AKAP14: variants seen among roughly 807,000 people sequenced by gnomAD.
The protein encoded by AKAP14 is A-kinase anchoring protein 14, also known as A-kinase anchor protein 14.
AKAP14 carries 4 observed loss-of-function variants against 17.0 expected under a neutral mutation model. That is an observed-to-expected ratio of 0.23 (90% CI 0.12 to 0.54). The LOEUF (loss-of-function observed/expected upper bound fraction) is 0.54, where lower values mean the gene tolerates loss of function less well. Ranked by LOEUF, AKAP14 falls within the 20% of genes least tolerant of loss-of-function variation. The pLI is 0.95. For synonymous variants in AKAP14, 42 were observed against 51.3 expected, an observed-to-expected ratio of 0.82 and a Z score of 0.77; for missense variants, 129 against 150.9, an observed-to-expected ratio of 0.85 and a Z score of 0.76.
chrX:119,903,039 G>C (rs1192621050), intron 2 of AKAP14, among the ~76,000 whole-genome samples, 175 bp from the exon 3 acceptor site: 1 of 112,140 alleles, frequency 8.9e-6, no homozygotes, highest in Non-Finnish European at 1.9e-5. Flanking sequence ...AGGAAAAGTA[G>C]ATAGCAGCAG....
At chrX:119,903,158 G>A in intron 2 of AKAP14, 56 bp from the exon 3 acceptor site, 1 of 1,070,725 alleles carries the variant, frequency 9.3e-7, no homozygotes, top group Admixed American at 2.7e-5. Context: ...ACTTATATGA[G>A]TGCGTTCACA....
At chrX:119,897,190 C>T (rs760550624) in intron 2 of AKAP14, among the ~76,000 whole-genome samples, 12 of 106,563 alleles carry the variant, frequency 1.1e-4, no homozygotes, top group African/African-American at 4.1e-4. Context: ...GGTGGAGTTG[C>T]ACTCTGTTGC....
intron 4 of AKAP14, among the ~76,000 whole-genome samples, chrX:119,910,731 C>T (rs771627546): frequency 2.1e-4 from 23 of 110,898 alleles, no homozygotes; most frequent in African/African-American, 5.9e-4. Flanking sequence ...GGCGCAATCT[C>T]GTCTCACCAC....
chrX:119,903,581 T>A lies in AKAP14; in HGVS notation c.256T>A (p.Phe86Ile). The A allele has an allele frequency of 8.3e-7, 1 of 1,211,225 alleles. No homozygotes were observed. Among genetic ancestry groups the A allele is most frequent in the Non-Finnish European group, 1.1e-6 (1 of 895,266 alleles). ...GGGTCTTAAACAAATTGACGAATAT[T>A]TTTCGGTAAGTTAGGCCGACCACTC... is the stretch of plus-strand genomic sequence containing the variant. ...EKGLKQIDEY[F>I]SKCVSKKCWA... Residue 86 changes from phenylalanine to isoleucine, a missense_variant, in exon 4 of 7, where the codon TTT becomes ATT. Phe to Ile is a conservative substitution (Grantham distance 21, BLOSUM62 0). Transcript: ENST00000371431.
chrX:119,920,400 C>G, intron 6 of AKAP14, 108 bp from the exon 7 acceptor site: 1 of 597,240 alleles, frequency 1.7e-6, no homozygotes, highest in Non-Finnish European at 2.5e-6. Context: ...AAAGAGGCTT[C>G]TTGCTTACTA....
At chrX:119,898,460 C>G (rs1397753155) in intron 2 of AKAP14, among the ~76,000 whole-genome samples, 1 of 112,004 alleles carries the variant, frequency 8.9e-6, no homozygotes, top group Non-Finnish European at 1.9e-5. Flanking sequence ...TATCTACTAC[C>G]CCCTGGGATC....
intron 5 of AKAP14, among the ~76,000 whole-genome samples, chrX:119,918,834 C>A (rs922208796): frequency 3.6e-5 from 4 of 111,849 alleles, no homozygotes; most frequent in African/African-American, 1.3e-4. Context: ...TTCCTCTTTG[C>A]CTTCCCATCC....
At chrX:119,897,122 TTTTC>T (rs2056533464) in intron 2 of AKAP14, among the ~76,000 whole-genome samples, 1 of 106,467 alleles carries the variant, frequency 9.4e-6, no homozygotes, top group African/African-American at 3.4e-5. Context: ...AAATGGACAA[TTTTC>T]TTTCTTTCTT....
Position 119,919,957 on chromosome X carries a change from T to G in AKAP14, c.488T>G (p.Val163Gly). The G allele has an allele frequency of 8.3e-7, 1 of 1,209,510 alleles. No individual in the cohort carries two copies. The highest frequency in any genetic ancestry group is 1.1e-6 in the Non-Finnish European group (1 of 893,645). The change falls in exon 6 of 7, where the codon GTT becomes GGT. Residue 163 changes from valine to glycine, a missense_variant. Physicochemically the swap from Val to Gly is moderately radical, Grantham distance 109. Transcript: ENST00000371431. ...VSYVGDHQAL[V>G]HRPGMVRFRE... Reference sequence around the variant, plus strand: ...TATGTAGGTGACCACCAAGCATTAGTTCACAGGTAATGAACATTTGGAGGT... The same window carrying G: ...TATGTAGGTGACCACCAAGCATTAGGTCACAGGTAATGAACATTTGGAGGT...
rs1014176089 is a variant in AKAP14 at position 119,909,923 on chromosome X, C to T, written c.262-4776C>T. On this transcript the variant is annotated intron_variant, in intron 4 of 6. Coordinates refer to ENST00000371431, the MANE Select transcript of AKAP14 (RefSeq NM_178813.6). ...GGAAGGAATAATGACTTTGGGAGGC[C>T]GAGGCCAGTGGATCACTTGAGCCTA... 7.4e-5 allele frequency among the ~76,000 whole-genome samples: 8 copies of T among 108,335 alleles called. No individual in the cohort carries two copies. In the East Asian group the frequency reaches 1.7e-3, roughly 23 times the overall value. 94.1% of individuals were successfully genotyped at this position (108,335 alleles called of 115,157 possible). A position where few individuals can be genotyped will look rare whatever the true frequency, so the allele number is the denominator to read the frequency against.
intron 4 of AKAP14, among the ~76,000 whole-genome samples, chrX:119,912,824 C>A (rs1179608865): frequency 1.8e-5 from 2 of 111,677 alleles, no homozygotes; most frequent in African/African-American, 6.5e-5. Flanking sequence ...GTCGTCCCCC[C>A]ATCCATGGAT....
chrX:119,897,875 G>A (rs768797061), intron 2 of AKAP14, among the ~76,000 whole-genome samples: 4 of 112,101 alleles, frequency 3.6e-5, no homozygotes, highest in East Asian at 2.8e-4. Context: ...GCTCATGCCT[G>A]TAATCCCAGC....
At position 119,905,744 on chromosome X, in the gene AKAP14, C is replaced by G. The variant is rs187027686; in HGVS notation, c.261+2158C>G. On this transcript the variant is annotated intron_variant, in intron 4 of 6. Coordinates refer to ENST00000371431, the MANE Select transcript of AKAP14 (RefSeq NM_178813.6). ...TCCCCTAAGATGTATACCCATGGCT[C>G]ACTGCTTTACCTCCCTTCAGATCTT... 2.0e-3 allele frequency among the ~76,000 whole-genome samples: 219 copies of G among 111,765 alleles called. 1 individual carries two copies. Among genetic ancestry groups the G allele is most frequent in the African/African-American group, 6.9e-3 (214 of 30,871 alleles).
chrX:119,917,941 T>C (rs904530107), intron 5 of AKAP14, among the ~76,000 whole-genome samples: 1 of 112,621 alleles, frequency 8.9e-6, no homozygotes, highest in African/African-American at 3.2e-5. Context: ...AGAGACCAGC[T>C]TTCAGTAGTA....
Position 119,914,846 on chromosome X carries a change from T to G in AKAP14, c.409T>G (p.Phe137Val). 8.3e-7 allele frequency: 1 copy of G among 1,210,975 alleles called. No individual in the cohort carries two copies. Among genetic ancestry groups the G allele is most frequent in the Non-Finnish European group, 1.1e-6 (1 of 895,119 alleles). ...AGCACGAATCTCTGCTGGTACCTACTTCACCATGAAGGTCTCCAAAACCAA... is the reference window on the plus strand; with the variant it reads ...AGCACGAATCTCTGCTGGTACCTACGTCACCATGAAGGTCTCCAAAACCAA... ...PVARISAGTY[F>V]TMKVSKTKPP... The change falls in exon 5 of 7, where the codon TTC (phenylalanine) becomes GTC (valine). Residue 137 changes from phenylalanine (F) to valine (V), a missense_variant. Phe to Val is a conservative substitution (Grantham distance 50, BLOSUM62 -1). Transcript: ENST00000371431.
At chrX:119,905,123 C>T (rs779828417) in intron 4 of AKAP14, among the ~76,000 whole-genome samples, 66 of 110,936 alleles carry the variant, frequency 5.9e-4, no homozygotes, top group Non-Finnish European at 6.2e-4. Context: ...TTGGTGGAGG[C>T]GAACTCCCCT....
chrX:119,899,075 C>G (rs762283293), intron 2 of AKAP14, among the ~76,000 whole-genome samples: 112 of 97,057 alleles, frequency 1.2e-3, no homozygotes, highest in Non-Finnish European at 1.8e-3. Flanking sequence ...GCTGAGGCAG[C>G]AGAATTGCTT....
chrX:119,907,909 A>T (rs1391033249), intron 4 of AKAP14, among the ~76,000 whole-genome samples: 1 of 112,426 alleles, frequency 8.9e-6, no homozygotes. Context: ...AATAATGCAG[A>T]CTTTTATTAT....
rs757257387 is a variant in AKAP14 at position 119,919,895 on chromosome X, T to C, written c.442-16T>C. The C allele has an allele frequency of 1.7e-6, 2 of 1,208,257 alleles. No homozygotes were observed. Among genetic ancestry groups the C allele is most frequent in the Admixed American group, 4.4e-5 (2 of 45,877 alleles). ...TATGACTGGTCTGGGCTAACAGTTG[T>C]CCTTCTCTTTTTTAGGATGCACCCA... On this transcript the variant is annotated splice_polypyrimidine_tract_variant and intron_variant, in intron 5 of 6. Coordinates refer to ENST00000371431, the MANE Select transcript of AKAP14 (RefSeq NM_178813.6).
Sources: gnomAD v4.1 joint callset for allele counts (sites outside exome capture counted in the v4.1 genomes callset) on GRCh38, gnomAD v4.1.1 for gene constraint, MANE v1.5 for transcripts, NCBI Gene and HGNC (gene_info 2026-07-23, HGNC 2026-07-21) for gene names.